CNTNAP2: variants seen among roughly 807,000 people sequenced by gnomAD.
The protein encoded by CNTNAP2 is contactin associated protein 2, also known as contactin-associated protein-like 2.
Under a neutral mutation model 155.2 loss-of-function variants are expected in CNTNAP2, and 98 were observed. The observed-to-expected ratio is 0.63, with a 90% CI of 0.54 to 0.75. The LOEUF is 0.75. Among genes scored for constraint, CNTNAP2 ranks in the 30% least tolerant of loss-of-function variants. CNTNAP2 has a pLI of 0.00. For synonymous variants in CNTNAP2, 651 were observed against 631.2 expected (o/e 1.03, Z -0.47); for missense variants, 1,727 against 1,688.1 (o/e 1.02, Z -0.40).
chr7:147,000,259 T>G (rs1330118009), intron 3 of CNTNAP2, among the ~76,000 whole-genome samples: 2 of 152,100 alleles, frequency 1.3e-5, no homozygotes, highest in African/African-American at 4.8e-5. Flanking sequence ...CTCATCATAG[T>G]CACAATGTTT....
intron 1 of CNTNAP2, among the ~76,000 whole-genome samples, chr7:146,246,185 T>A (rs1191031802): frequency 6.6e-6 from 1 of 151,484 alleles, no homozygotes; most frequent in Admixed American, 6.6e-5. Context: ...AAGGGGTGCA[T>A]GATCGGTCGC....
At chr7:146,354,141 G>T (rs990689119) in intron 1 of CNTNAP2, among the ~76,000 whole-genome samples, 2 of 152,022 alleles carry the variant, frequency 1.3e-5, no homozygotes, top group African/African-American at 4.8e-5. Context: ...TTCAACACTA[G>T]GAGTCAGAGA....
chr7:146,955,897 C>G (rs928857782), intron 3 of CNTNAP2, among the ~76,000 whole-genome samples: 1 of 151,908 alleles, frequency 6.6e-6, no homozygotes, highest in Admixed American at 6.6e-5. Flanking sequence ...TATTACTTAC[C>G]GCAGTAAACG....
chr7:148,095,649 T>C (rs1803949328), intron 15 of CNTNAP2, among the ~76,000 whole-genome samples: 1 of 152,172 alleles, frequency 6.6e-6, no homozygotes, highest in South Asian at 2.1e-4. Context: ...CTCACCAAAG[T>C]TTGTGAGCCA....
intron 13 of CNTNAP2, among the ~76,000 whole-genome samples, chr7:147,708,085 G>A (rs1262484151): frequency 6.6e-6 from 1 of 152,140 alleles, no homozygotes; most frequent in Non-Finnish European, 1.5e-5. Flanking sequence ...TGATCCACAT[G>A]TCCCCAAAGA....
intron 3 of CNTNAP2, among the ~76,000 whole-genome samples, chr7:146,887,140 G>GT (rs1049794661): frequency 1.3e-5 from 2 of 151,574 alleles, no homozygotes; most frequent in African/African-American, 2.4e-5. Flanking sequence ...TATCTACATA[G>GT]TTTTTTTGTT....
intron 13 of CNTNAP2, among the ~76,000 whole-genome samples, chr7:147,766,653 G>A (rs1367505823): frequency 6.6e-6 from 1 of 152,074 alleles, no homozygotes; most frequent in Non-Finnish European, 1.5e-5. Flanking sequence ...TCAAGTACTT[G>A]AAGCAATAAA....
chr7:148,385,614 A>ATGAG (rs1799173511), intron 22 of CNTNAP2, among the ~76,000 whole-genome samples: 1 of 151,982 alleles, frequency 6.6e-6, no homozygotes, highest in African/African-American at 2.4e-5. Flanking sequence ...TTGGGCCAAT[A>ATGAG]TGAGTTTTAT....
At chr7:147,520,377 A>G (rs373907246) in intron 11 of CNTNAP2, among the ~76,000 whole-genome samples, 1 of 152,224 alleles carries the variant, frequency 6.6e-6, no homozygotes, top group East Asian at 1.9e-4. Context: ...CCTACTTTAC[A>G]TAATTTTTCT....
intron 1 of CNTNAP2, among the ~76,000 whole-genome samples, chr7:146,563,646 G>A (rs1171297488): frequency 6.6e-6 from 1 of 152,138 alleles, no homozygotes; most frequent in Admixed American, 6.5e-5. Flanking sequence ...CAGAATTTAA[G>A]TAAACTTCTT....
chr7:146,803,100 G>A (rs1802909015), intron 2 of CNTNAP2, among the ~76,000 whole-genome samples: 1 of 152,264 alleles, frequency 6.6e-6, no homozygotes, highest in South Asian at 2.1e-4. Flanking sequence ...GGAATTGAGA[G>A]CGGGAGGTAA....
At chr7:146,333,315 A>G (rs767834034) in intron 1 of CNTNAP2, among the ~76,000 whole-genome samples, 2 of 152,108 alleles carry the variant, frequency 1.3e-5, no homozygotes, top group Non-Finnish European at 2.9e-5. Flanking sequence ...TGATGCAGCT[A>G]TTCTTGCAAT....
chr7:146,590,702 G>C lies in CNTNAP2; in HGVS notation c.98-183569G>C, dbSNP rs532459099. ...TTTATTCAGCATCCCCAAAGACAAA[G>C]AGATTCTCTCAGCCTCCCTGAGCTG... On this transcript the variant is annotated intron_variant, in intron 1 of 23. Coordinates refer to ENST00000361727, the MANE Select transcript of CNTNAP2 (RefSeq NM_014141.6). 5.9e-5 allele frequency among the ~76,000 whole-genome samples: 9 copies of C among 152,206 alleles called. No homozygotes were observed. The South Asian group carries it at 1.9e-3, about 32-fold the overall frequency.
In CNTNAP2 at chr7:146,278,361, G is replaced by T. The variant is rs116211873; in HGVS notation, c.97+161388G>T. ...TCTCTGTTCTTTTTTTCTGGAATTT[G>T]AATTAATGCCTTTTATGTAACATCA... is the stretch of plus-strand genomic sequence containing the variant. On this transcript the variant is annotated intron_variant, in intron 1 of 23. Coordinates refer to ENST00000361727, the MANE Select transcript of CNTNAP2 (RefSeq NM_014141.6). 3.4e-3 allele frequency among the ~76,000 whole-genome samples: 522 copies of T among 152,184 alleles called. 4 individuals are homozygous for T. The highest frequency in any genetic ancestry group is 0.012 in the African/African-American group (495 of 41,544).
intron 12 of CNTNAP2, among the ~76,000 whole-genome samples, chr7:147,569,179 A>G (rs1800234011): frequency 6.6e-6 from 1 of 152,206 alleles, no homozygotes; most frequent in African/African-American, 2.4e-5. Flanking sequence ...TGTCTTTTTA[A>G]TCTAATATTT....
At chr7:147,034,943 CCTGT>C (rs1482165135) in intron 3 of CNTNAP2, among the ~76,000 whole-genome samples, 1 of 151,496 alleles carries the variant, frequency 6.6e-6, no homozygotes, top group African/African-American at 2.4e-5. Context: ...AACAGAAATG[CCTGT>C]CTGCACTTAG....
chr7:148,174,909 C>T (rs1794905453), intron 18 of CNTNAP2, among the ~76,000 whole-genome samples: 1 of 152,002 alleles, frequency 6.6e-6, no homozygotes, highest in South Asian at 2.1e-4. Flanking sequence ...TCTCCCCTTG[C>T]CGCCAACCCC....
intron 1 of CNTNAP2, among the ~76,000 whole-genome samples, chr7:146,237,041 A>G (rs1305410757): frequency 1.3e-5 from 2 of 151,916 alleles, no homozygotes; most frequent in Non-Finnish European, 2.9e-5. Context: ...GTTGATATTT[A>G]GAGAAAAACA....
intron 18 of CNTNAP2, among the ~76,000 whole-genome samples, chr7:148,199,640 C>T (rs551458418): frequency 5.3e-5 from 8 of 152,270 alleles, no homozygotes; most frequent in African/African-American, 1.9e-4. Flanking sequence ...GCACTTGAAA[C>T]GGGGCTAGTT....
Sources: allele counts gnomAD v4.1 joint callset (sites outside exome capture counted in the v4.1 genomes callset), GRCh38; gene constraint gnomAD v4.1.1; transcripts MANE v1.5; gene names NCBI Gene and HGNC (gene_info 2026-07-23, HGNC 2026-07-21).